GAK: variants seen among roughly 807,000 people sequenced by gnomAD.
The protein encoded by GAK is cyclin-G-associated kinase.
Under a neutral mutation model 143.9 loss-of-function variants are expected in GAK, and 79 were observed. The ratio of observed to expected loss-of-function variants is 0.55; its 90% CI spans 0.46 to 0.66. GAK has a LOEUF of 0.66. Ranked by LOEUF, GAK falls within the 30% of genes least tolerant of loss-of-function variation. The probability of loss-of-function intolerance (pLI) is 0.00; values close to 1 mark genes in which losing one functional copy is unlikely to be tolerated. For missense variants in GAK, 1,693 were observed against 1,779.7 expected, an observed-to-expected ratio of 0.95 and a Z score of 0.88; for synonymous variants, 881 against 765.5, an observed-to-expected ratio of 1.15 and a Z score of -2.49.
At chr4:901,311 G>A (rs903855282) in intron 5 of GAK, among the ~76,000 whole-genome samples, 3 of 151,686 alleles carry the variant, frequency 2.0e-5, no homozygotes, top group Non-Finnish European at 2.9e-5. Flanking sequence ...CAGGGCACAC[G>A]GGGAGAGCCA....
At chr4:906,526 C>A (rs1247809331) in intron 4 of GAK, among the ~76,000 whole-genome samples, 3 of 152,172 alleles carry the variant, frequency 2.0e-5, no homozygotes, top group Non-Finnish European at 2.9e-5. Flanking sequence ...CCCAGCACCC[C>A]TATGCAGCCC....
intron 9 of GAK, among the ~76,000 whole-genome samples, chr4:892,516 C>A (rs1222769466): frequency 6.6e-6 from 1 of 152,232 alleles, no homozygotes; most frequent in African/African-American, 2.4e-5. Context: ...CCAGCCAACA[C>A]GTGCTGCTCC....
chr4:919,586 G>T (rs1723603979), intron 1 of GAK, among the ~76,000 whole-genome samples: 1 of 152,250 alleles, frequency 6.6e-6, no homozygotes, highest in Admixed American at 6.5e-5. Context: ...AGGGGCCCCT[G>T]ACCCTGGGCA....
rs1419520914 is a variant in GAK at position 882,789 on chromosome 4, C to T, written c.1435G>A (p.Ala479Thr). 1.2e-6 allele frequency: 2 copies of T among 1,610,508 alleles called. No individual in the cohort carries two copies. The highest frequency in any genetic ancestry group is 2.7e-5 in the African/African-American group (2 of 74,892). ...TTGTACAGGGTGTGCAGGTGTGGGG[C>T]CCGCCGTGCTGCCCAGCCACACTCG... ...VSECGWAARR[A>T]PHLHTLYNIC... Residue 479 changes from alanine to threonine, a missense_variant, in exon 14 of 28, where the codon GCC becomes ACC. Physicochemically the swap from Ala to Thr is moderately conservative, Grantham distance 58. This residue lies in a region of GAK where 871 missense variants were observed against 991.0 expected (regional missense o/e 0.88). Coordinates refer to ENST00000314167, the MANE Select transcript of GAK (RefSeq NM_005255.4).
chr4:892,560 C>T (rs916720216), intron 9 of GAK, among the ~76,000 whole-genome samples: 6 of 152,226 alleles, frequency 3.9e-5, no homozygotes, highest in Non-Finnish European at 8.8e-5. Flanking sequence ...AAGCACACGG[C>T]CCTGTGGGCC....
At chr4:851,499 C>G (rs1421734257) in intron 25 of GAK, 2 of 579,854 alleles carry the variant, frequency 3.4e-6, no homozygotes, top group East Asian at 5.9e-5. Context: ...AGAGGGAAGA[C>G]AAGACAGGGT....
chr4:888,969 G>A lies in GAK; in HGVS notation c.1083C>T (p.Gly361=), dbSNP rs2152840758. 1 of 1,610,602 alleles carries A rather than the reference G, an allele frequency of 6.2e-7. No individual in the cohort carries two copies. The highest frequency in any genetic ancestry group is 8.5e-7 in the Non-Finnish European group (1 of 1,179,410). The change falls in exon 11 of 28, where the codon GGC becomes GGT. Residue 361 remains glycine (G), a splice_region_variant and synonymous_variant. Transcript: ENST00000314167. ...VGPAGSGYSG[G]LALAEYDQPY... is the part of the protein sequence containing the mutation. Reference sequence around the variant, plus strand: ...GCTGGTCGTACTCCGCCAGCGCCAGGCCTGCAGGGAGACACAGTCTCAGCA... The same window carrying A: ...GCTGGTCGTACTCCGCCAGCGCCAGACCTGCAGGGAGACACAGTCTCAGCA...
intron 4 of GAK, among the ~76,000 whole-genome samples, chr4:905,264 C>T (rs1432792282): frequency 1.3e-5 from 2 of 152,180 alleles, no homozygotes; most frequent in South Asian, 2.1e-4. Flanking sequence ...TTCCCGCTTT[C>T]GTTCTTTTGT....
rs756679991 is a variant in GAK at position 890,586 on chromosome 4, G to C, written c.1027C>G (p.Leu343Val). ...ACGGGAGGGGGTGGCCCTCGGGACA[G>C]TGTGGCGCTCCCGTAGCCTCCATTC... is the stretch of plus-strand genomic sequence containing the variant. ...EQNGGYGSAT[L>V]SRGPPPPVGP... Residue 343 changes from leucine (L) to valine (V), a missense_variant, in exon 10 of 28, where the codon CTG (leucine) becomes GTG (valine). Transcript: ENST00000314167. The C allele has an allele frequency of 1.9e-6, 3 of 1,611,680 alleles. No homozygotes were observed. In the African/African-American group the frequency reaches 4.0e-5, roughly 22 times the overall value.
intron 1 of GAK, among the ~76,000 whole-genome samples, chr4:929,536 G>C (rs60340502): frequency 0.038 from 5,796 of 152,178 alleles, 176 homozygotes; most frequent in East Asian, 0.16. Context: ...CATGGTTGGT[G>C]CTCCTGATAA....
intron 4 of GAK, among the ~76,000 whole-genome samples, chr4:905,421 C>T (rs949532842): frequency 4.6e-5 from 7 of 151,454 alleles, no homozygotes; most frequent in African/African-American, 7.3e-5. Context: ...CCCCAGGCCA[C>T]GCTACAGACT....
At chr4:903,711 G>A (rs537613405) in intron 5 of GAK, among the ~76,000 whole-genome samples, 2 of 129,618 alleles carry the variant, frequency 1.5e-5, no homozygotes, top group African/African-American at 3.1e-5. Flanking sequence ...GGGGCGGTGG[G>A]GGGGCGGCCG....
intron 1 of GAK, among the ~76,000 whole-genome samples, chr4:926,860 C>A (rs1256248923): frequency 2.9e-5 from 4 of 139,736 alleles, no homozygotes; most frequent in East Asian, 2.2e-4. Context: ...CACCTGCGCT[C>A]CGCACTGCCC....
At chr4:858,970 G>A (rs1488500520) in intron 24 of GAK, among the ~76,000 whole-genome samples, 2 of 152,230 alleles carry the variant, frequency 1.3e-5, no homozygotes, top group Admixed American at 1.3e-4. Context: ...CCACCCGACG[G>A]CCAGGCAAGT....
chr4:855,354 T>C (rs1376066192), intron 24 of GAK, among the ~76,000 whole-genome samples: 3 of 152,038 alleles, frequency 2.0e-5, no homozygotes, highest in African/African-American at 7.2e-5. Flanking sequence ...AAAAAGGTGA[T>C]TGTAAATGGT....
intron 4 of GAK, among the ~76,000 whole-genome samples, chr4:907,736 G>T (rs538723296): frequency 6.6e-6 from 1 of 152,128 alleles, no homozygotes; most frequent in Non-Finnish European, 1.5e-5. Flanking sequence ...GCAGCTGCAC[G>T]GGGGAGCCCA....
intron 4 of GAK, among the ~76,000 whole-genome samples, chr4:907,406 T>A (rs901639916): frequency 6.6e-6 from 1 of 152,040 alleles, no homozygotes; most frequent in Non-Finnish European, 1.5e-5. Flanking sequence ...ATAGAAGGAA[T>A]GGGGTGCTCA....
chr4:851,539 A>C (rs992560787), intron 25 of GAK: 3 of 606,260 alleles, frequency 4.9e-6, no homozygotes. Context: ...AAACAGGTCA[A>C]GAAGGTGTCA....
intron 24 of GAK, among the ~76,000 whole-genome samples, chr4:854,110 TTTTC>T (rs1311217256): frequency 1.1e-3 from 161 of 151,348 alleles, no homozygotes; most frequent in African/African-American, 3.4e-3. Flanking sequence ...CTCTCGCCCA[TTTTC>T]TTTCTTTTTT....
Sources: allele counts gnomAD v4.1 joint callset (sites outside exome capture counted in the v4.1 genomes callset), GRCh38; gene constraint gnomAD v4.1.1; regional missense constraint gnomAD v4.1.1; transcripts MANE v1.5; gene names NCBI Gene and HGNC (gene_info 2026-07-23, HGNC 2026-07-21).